BTN2A2: variants seen among roughly 807,000 people sequenced by gnomAD.
The protein encoded by BTN2A2 is butyrophilin 2.
A neutral mutation model predicts 34.7 loss-of-function variants in BTN2A2; 29 were observed. The ratio of observed to expected loss-of-function variants is 0.84; its 90% CI spans 0.62 to 1.14. BTN2A2 has a LOEUF of 1.14. Among genes scored for constraint, BTN2A2 ranks in the 50% most tolerant of loss-of-function variants. The probability of loss-of-function intolerance (pLI) is 0.00; values close to 1 mark genes in which losing one functional copy is unlikely to be tolerated. For missense variants in BTN2A2, 612 were observed against 651.5 expected, an observed-to-expected ratio of 0.94 and a Z score of 0.66; for synonymous variants, 240 against 253.1, an observed-to-expected ratio of 0.95 and a Z score of 0.49.
rs766863494 is a variant in BTN2A2, at chr6:26,394,656, T to C, written c.*1689T>C. The C allele has an allele frequency of 7.5e-5, 22 of 294,736 alleles. No homozygotes were observed. Among genetic ancestry groups the C allele is most frequent in the Non-Finnish European group, 1.4e-4 (22 of 159,586 alleles). 18.3% of individuals were successfully genotyped at this position (294,736 alleles called of 1,614,324 possible). On this transcript the variant is annotated 3_prime_UTR_variant, in exon 8 of 8. Coordinates refer to ENST00000356709, the MANE Select transcript of BTN2A2 (RefSeq NM_006995.5). ...CTTTCAGACTTAAACTGAGCCATGC[T>C]ACCAGCATCCCAGGGTCTCCAGCCT...
intron 5 of BTN2A2, 177 bp from the exon 6 acceptor site, chr6:26,390,510 A>G (rs1305612274): frequency 3.6e-6 from 3 of 823,934 alleles, no homozygotes; most frequent in African/African-American, 3.4e-5. Flanking sequence ...CAATGTACTG[A>G]TACTACCCAG....
chr6:26,389,768 T>A (rs1191621709), intron 4 of BTN2A2, among the ~76,000 whole-genome samples: 1 of 152,208 alleles, frequency 6.6e-6, no homozygotes, highest in Non-Finnish European at 1.5e-5. Context: ...TTTTATGCAC[T>A]CTGGTCCTTT....
In BTN2A2 at chr6:26,384,955, T is replaced by C. The variant is rs988194110; in HGVS notation, c.95-60T>C. 39 of 1,509,818 alleles carry C rather than the reference T, an allele frequency of 2.6e-5. No individual in the cohort carries two copies. The highest frequency in any genetic ancestry group is 3.2e-5 in the Non-Finnish European group (36 of 1,118,168). The allele number at this position is 1,509,818 out of a possible 1,614,324, so 93.5% of individuals were successfully genotyped here. Reference sequence around the variant, plus strand: ...TTGTTTGTTTTTGTTTTTTGTTTTTTGTTTTGCCTTAGAGTTGTGATAACT... The same window carrying C: ...TTGTTTGTTTTTGTTTTTTGTTTTTCGTTTTGCCTTAGAGTTGTGATAACT... On this transcript the variant is annotated intron_variant, in intron 2 of 7. Transcript: ENST00000356709. The surrounding 1 kb of genome is among the most constrained non-coding windows in gnomAD (Gnocchi z 4.0).
chr6:26,390,343 A>T, intron 5 of BTN2A2, 132 bp downstream of exon 5: 2 of 956,972 alleles, frequency 2.1e-6, no homozygotes, highest in Non-Finnish European at 3.1e-6. Flanking sequence ...GAAGAGAGAG[A>T]GGAAATGCAC....
intron 6 of BTN2A2, 21 bp from the exon 7 acceptor site, chr6:26,390,782 A>G: frequency 6.2e-7 from 1 of 1,614,198 alleles, no homozygotes; most frequent in East Asian, 2.2e-5. Flanking sequence ...CGTGACATTC[A>G]CCTCTGTCTG....
At position 26,392,788 on chromosome 6, in the gene BTN2A2, A is replaced by G; in HGVS notation, c.1393A>G (p.Arg465Gly). ...TGTCTCCTTCTACAACATGAGGGAC[A>G]GATCGCACATCTACACATGTCCCCG... is the stretch of plus-strand genomic sequence containing the variant. Reference protein sequence around the residue: ...GDVSFYNMRDRSHIYTCPRSA... With the variant: ...GDVSFYNMRDGSHIYTCPRSA... The change falls in exon 8 of 8, where the codon AGA becomes GGA. Residue 465 changes from arginine (R) to glycine (G), a missense_variant. By Grantham distance (125) the Arg-to-Gly change is moderately radical. Transcript: ENST00000356709. The G allele has an allele frequency of 6.2e-7, 1 of 1,614,120 alleles. No homozygotes were observed. Among genetic ancestry groups the G allele is most frequent in the Non-Finnish European group, 8.5e-7 (1 of 1,179,990 alleles).
chr6:26,390,219 A>G lies in BTN2A2; in HGVS notation c.931+8A>G. 6.2e-7 allele frequency: 1 copy of G among 1,611,940 alleles called. No homozygotes were observed. Among genetic ancestry groups the G allele is most frequent in the Non-Finnish European group, 8.5e-7 (1 of 1,178,910 alleles). ...AGGAAAAAGAAATTGCACGTAAGGA[A>G]TTTGTAAAGAAAGTGTGGAAAAATA... is the stretch of plus-strand genomic sequence containing the variant. On this transcript the variant is annotated splice_region_variant and intron_variant, in intron 5 of 7. Transcript: ENST00000356709.
chr6:26,388,079 T>C lies in BTN2A2; in HGVS notation c.509T>C (p.Ile170Thr). The stretch of plus-strand genomic sequence containing the variant: ...GATGGGAGCATCTGGCTGGAGTGCA[T>C]ATCTGGAGGGTGGTACCCAGAGCCC... Reference protein sequence around the residue: ...QEDGSIWLECISGGWYPEPLT... With the variant: ...QEDGSIWLECTSGGWYPEPLT... The change falls in exon 4 of 8, where the codon ATA becomes ACA. Residue 170 changes from isoleucine to threonine, a missense_variant. Ile to Thr is a moderately conservative substitution (Grantham distance 89). Transcript: ENST00000356709. 1 of 1,613,972 alleles carries C rather than the reference T, an allele frequency of 6.2e-7. No individual in the cohort carries two copies. The highest frequency in any genetic ancestry group is 8.5e-7 in the Non-Finnish European group (1 of 1,179,982).
chr6:26,383,797 T>A lies in BTN2A2; in HGVS notation c.-25T>A, dbSNP rs1325594620. ...CTCCTCCTCTGTAACCCTAGGCCTC[T>A]GGTCTCTGCCTGCCCTGGGTGCTCA... is the stretch of plus-strand genomic sequence containing the variant. On this transcript the variant is annotated 5_prime_UTR_variant, in exon 2 of 8. Coordinates refer to ENST00000356709, the MANE Select transcript of BTN2A2 (RefSeq NM_006995.5). This position sits in a 1 kb window ranked among gnomAD's most constrained non-coding sequence, Gnocchi z 4.4. The A allele has an allele frequency of 6.2e-7, 1 of 1,610,078 alleles. No individual in the cohort carries two copies. The highest frequency in any genetic ancestry group is 8.5e-7 in the Non-Finnish European group (1 of 1,176,412).
In BTN2A2 at chr6:26,392,469, G is replaced by C. The variant is rs1238693083; in HGVS notation, c.1074G>C (p.Val358=). ...GGCGGGGCCCCTACAGGCAGAGAGT[G>C]CCTGACAACCCAGAGAGATTCGACA... ...SVRRGPYRQR[V]PDNPERFDSQ... The change falls in exon 8 of 8, where the codon GTG becomes GTC. Residue 358 remains valine, a synonymous_variant. Coordinates refer to ENST00000356709, the MANE Select transcript of BTN2A2 (RefSeq NM_006995.5). The C allele has an allele frequency of 6.2e-7, 1 of 1,614,132 alleles. No homozygotes were observed.
Position 26,383,720 on chromosome 6 carries a change from A to G in BTN2A2, c.-30-72A>G, listed in dbSNP as rs544091167. ...CACCGATGAGACCTACTTGAGTGACAGGAGAGGTTGGGCCCGACCAGCACT... is the reference window on the plus strand; with the variant it reads ...CACCGATGAGACCTACTTGAGTGACGGGAGAGGTTGGGCCCGACCAGCACT... On this transcript the variant is annotated intron_variant, in intron 1 of 7. Coordinates refer to ENST00000356709, the MANE Select transcript of BTN2A2 (RefSeq NM_006995.5). The surrounding 1 kb of genome is among the most constrained non-coding windows in gnomAD (Gnocchi z 4.4). 63 of 1,182,952 alleles carry G rather than the reference A, an allele frequency of 5.3e-5. No individual in the cohort carries two copies. The highest frequency in any genetic ancestry group is 1.9e-4 in the Middle Eastern group (1 of 5,154). The allele number at this position is 1,182,952 out of a possible 1,614,324, so 73.3% of individuals were successfully genotyped here.
At position 26,392,603 on chromosome 6, in the gene BTN2A2, T is replaced by C. The variant is rs758674852; in HGVS notation, c.1208T>C (p.Val403Ala). 5 of 1,614,102 alleles carry C rather than the reference T, an allele frequency of 3.1e-6. No individual in the cohort carries two copies. The highest frequency in any genetic ancestry group is 1.6e-4 in the Middle Eastern group (1 of 6,062). Residue 403 changes from valine (V) to alanine (A), a missense_variant, in exon 8 of 8, where the codon GTT becomes GCT. Physicochemically the swap from Val to Ala is moderately conservative, Grantham distance 64. Transcript: ENST00000356709. ...ACTGTGGGGGTCTGCAGACACAGTGTTGAGAGGAAAGGGGAGGTCCTGCTG... is the reference window on the plus strand; with the variant it reads ...ACTGTGGGGGTCTGCAGACACAGTGCTGAGAGGAAAGGGGAGGTCCTGCTG... ...VWTVGVCRHS[V>A]ERKGEVLLIP...
Position 26,393,025 on chromosome 6 carries a change from C to T in BTN2A2, c.*58C>T, listed in dbSNP as rs754543736. 20 of 1,613,094 alleles carry T rather than the reference C, an allele frequency of 1.2e-5. No individual in the cohort carries two copies. The highest frequency in any genetic ancestry group is 1.5e-5 in the Non-Finnish European group (18 of 1,179,544). ...AAGCCCTGGCCATCTCAGCAGCCACCGCACAACCCCCCTAATGAAAGACAC... is the reference window on the plus strand; with the variant it reads ...AAGCCCTGGCCATCTCAGCAGCCACTGCACAACCCCCCTAATGAAAGACAC... On this transcript the variant is annotated 3_prime_UTR_variant, in exon 8 of 8. Transcript: ENST00000356709.
rs1340993096 is a variant in BTN2A2, at chr6:26,394,189, T to G, written c.*1222T>G. ...ATTATTGTGAAAATATTATTAACACTGGGGACTCCTTAAGAGTACATCAGA... is the reference window on the plus strand; with the variant it reads ...ATTATTGTGAAAATATTATTAACACGGGGGACTCCTTAAGAGTACATCAGA... On this transcript the variant is annotated 3_prime_UTR_variant, in exon 8 of 8. Coordinates refer to ENST00000356709, the MANE Select transcript of BTN2A2 (RefSeq NM_006995.5). The G allele has an allele frequency of 1.4e-5, 9 of 632,912 alleles. No individual in the cohort carries two copies. The highest frequency in any genetic ancestry group is 2.6e-5 in the Non-Finnish European group (9 of 349,054). The allele number at this position is 632,912 out of a possible 1,614,324, so 39.2% of individuals were successfully genotyped here. A position where few individuals can be genotyped will look rare whatever the true frequency, so the allele number is the denominator to read the frequency against.
chr6:26,384,831 C>T lies in BTN2A2; in HGVS notation c.95-184C>T, dbSNP rs1182800443. 6.6e-6 allele frequency among the ~76,000 whole-genome samples: 1 copy of T among 152,230 alleles called. No homozygotes were observed. The highest frequency in any genetic ancestry group is 2.4e-5 in the African/African-American group (1 of 41,456). ...TACTGCTCCCAGGGGTTGGTGCTGCCGACCAGCCACAGCTACTGGTCCCCA... is the reference window on the plus strand; with the variant it reads ...TACTGCTCCCAGGGGTTGGTGCTGCTGACCAGCCACAGCTACTGGTCCCCA... On this transcript the variant is annotated intron_variant, in intron 2 of 7. Coordinates refer to ENST00000356709, the MANE Select transcript of BTN2A2 (RefSeq NM_006995.5). This position sits in a 1 kb window ranked among gnomAD's most constrained non-coding sequence, Gnocchi z 4.0.
chr6:26,385,723 G>A lies in BTN2A2; in HGVS notation c.442+361G>A, dbSNP rs566197490. 6.6e-5 allele frequency among the ~76,000 whole-genome samples: 10 copies of A among 151,940 alleles called. No individual in the cohort carries two copies. The South Asian group carries it at 1.9e-3, about 28-fold the overall frequency. On this transcript the variant is annotated intron_variant, in intron 3 of 7. Transcript: ENST00000356709. ...ACACCACCATGCCCGGCTAATTTTT[G>A]CATTTTTTTAGTAGAGACGGGGTTT... is the stretch of plus-strand genomic sequence containing the variant.
rs767598841 is a variant in BTN2A2 at position 26,390,791 on chromosome 6, T to C, written c.953-12T>C. The C allele has an allele frequency of 6.2e-7, 1 of 1,614,264 alleles. No individual in the cohort carries two copies. Among genetic ancestry groups the C allele is most frequent in the Non-Finnish European group, 8.5e-7 (1 of 1,180,040 alleles). The stretch of plus-strand genomic sequence containing the variant: ...GTGTCTCGTGACATTCACCTCTGTC[T>C]GTCCCTTGCAGGATGGAGAAGAACA... On this transcript the variant is annotated splice_polypyrimidine_tract_variant and intron_variant, in intron 6 of 7. Coordinates refer to ENST00000356709, the MANE Select transcript of BTN2A2 (RefSeq NM_006995.5).
chr6:26,390,688 G>T lies in BTN2A2; in HGVS notation c.933G>T (p.Gln311His). The change falls in exon 6 of 8, where the codon CAG becomes CAT. Residue 311 changes from glutamine (Q) to histidine (H), a missense_variant and splice_region_variant. Physicochemically the swap from Gln to His is conservative, Grantham distance 24 (BLOSUM62 0). Transcript: ENST00000356709. ...KVEQEEKEIA[Q>H]QLQEELRWRR... ...TTTGTTTCTGTATTTTGTTTTCAGA[G>T]CAACTTCAAGAAGAATTGCGTAAGT... 3 of 1,614,204 alleles carry T rather than the reference G, an allele frequency of 1.9e-6. No homozygotes were observed. Among genetic ancestry groups the T allele is most frequent in the Non-Finnish European group, 2.5e-6 (3 of 1,180,036 alleles).
chr6:26,385,035 C>G lies in BTN2A2; in HGVS notation c.115C>G (p.Pro39Ala), dbSNP rs57038103. ...AACAGCCCAGTTTACTGTCGTGGGG[C>G]CAGCTAATCCCATCCTGGCCATGGT... ...LVSAQFTVVGPANPILAMVGE... is the reference protein window; with the variant it reads ...LVSAQFTVVGAANPILAMVGE... Residue 39 changes from proline (P) to alanine (A), a missense_variant, in exon 3 of 8, where the codon CCA (proline) becomes GCA (alanine). Pro to Ala is a conservative substitution (Grantham distance 27). Transcript: ENST00000356709. 7.3e-3 allele frequency: 11,717 copies of G among 1,613,742 alleles called. 89 individuals are homozygous for G. Among genetic ancestry groups the G allele is most frequent in the African/African-American group, 0.028 (2,081 of 74,946 alleles).
Sources: gnomAD v4.1 joint callset for allele counts (sites outside exome capture counted in the v4.1 genomes callset) on GRCh38, gnomAD v4.1.1 for gene constraint, Gnocchi (gnomAD v3.1) non-coding constraint, MANE v1.5 for transcripts, NCBI Gene and HGNC (gene_info 2026-07-23, HGNC 2026-07-21) for gene names.